Variants in KLF9 observed in about 807,000 individuals in gnomAD.
KLF9 encodes Krueppel-like factor 9.
KLF9 carries 2 observed loss-of-function variants against 17.3 expected under a neutral mutation model. The ratio of observed to expected loss-of-function variants is 0.12; its 90% CI spans 0.05 to 0.36. The LOEUF (loss-of-function observed/expected upper bound fraction) is 0.36, where lower values mean the gene tolerates loss of function less well. KLF9 is among the 10% of genes least tolerant of loss of function. KLF9 has a pLI of 1.00. For missense variants in KLF9, 226 were observed against 333.2 expected (o/e 0.68, Z 2.51); for synonymous variants, 138 against 139.2 (o/e 0.99, Z 0.06).
Position 70,385,200 on chromosome 9 carries a change from T to A in KLF9, c.*2576A>T, listed in dbSNP as rs2037101296. The A allele has an allele frequency of 6.6e-6, 1 of 152,666 alleles. No individual in the cohort carries two copies. Among genetic ancestry groups the A allele is most frequent in the Non-Finnish European group, 1.5e-5 (1 of 68,028 alleles). 9.5% of individuals were successfully genotyped at this position (152,666 alleles called of 1,614,324 possible). A position where few individuals can be genotyped will look rare whatever the true frequency, so the allele number is the denominator to read the frequency against. ...ATGGTCTTTTTAATATAAAAAGTAA[T>A]TGTTTCATAGTTTTAGTGTTCAATG... On this transcript the variant is annotated 3_prime_UTR_variant, in exon 2 of 2. Coordinates refer to ENST00000377126, the MANE Select transcript of KLF9 (RefSeq NM_001206.4).
chr9:70,409,760 T>C (rs1232228530), intron 1 of KLF9, among the ~76,000 whole-genome samples: 2 of 152,228 alleles, frequency 1.3e-5, no homozygotes, highest in Non-Finnish European at 2.9e-5. Flanking sequence ...TTCTTTAGAT[T>C]AACAATGGAT....
intron 1 of KLF9, among the ~76,000 whole-genome samples, chr9:70,392,310 A>G (rs2118908981): frequency 6.6e-6 from 1 of 152,252 alleles, no homozygotes; most frequent in African/African-American, 2.4e-5. Flanking sequence ...TCAATCATGG[A>G]TCATAATGGA....
rs1404021668 is a variant in KLF9 at position 70,389,638 on chromosome 9, C to T, written c.506-1633G>A. 4.6e-5 allele frequency among the ~76,000 whole-genome samples: 7 copies of T among 152,232 alleles called. No homozygotes were observed. The South Asian group carries it at 1.2e-3, about 27-fold the overall frequency. On this transcript the variant is annotated intron_variant, in intron 1 of 1. Transcript: ENST00000377126. ...GTTATCAGGCCAGCATCCATAACCT[C>T]CTGCTGCTCCCCACCCCACAAGATG...
chr9:70,400,209 C>T (rs2037212047), intron 1 of KLF9, among the ~76,000 whole-genome samples: 1 of 152,134 alleles, frequency 6.6e-6, no homozygotes, highest in Admixed American at 6.5e-5. Context: ...GGACTGTGTT[C>T]CTGAGCCCAA....
intron 1 of KLF9, among the ~76,000 whole-genome samples, chr9:70,409,917 T>C (rs1237422570): frequency 6.6e-6 from 1 of 152,224 alleles, no homozygotes; most frequent in Non-Finnish European, 1.5e-5. Flanking sequence ...AAGGTGACGT[T>C]CTGTACATTA....
At chr9:70,400,641 G>A (rs1379480347) in intron 1 of KLF9, among the ~76,000 whole-genome samples, 1 of 152,178 alleles carries the variant, frequency 6.6e-6, no homozygotes, top group African/African-American at 2.4e-5. Flanking sequence ...CTAGGCTGTG[G>A]CATTCATAAG....
chr9:70,404,502 G>A (rs2037243574), intron 1 of KLF9, among the ~76,000 whole-genome samples: 1 of 152,028 alleles, frequency 6.6e-6, no homozygotes, highest in African/African-American at 2.4e-5. Flanking sequence ...TGCTTGAGTA[G>A]GGGGTAGGGG....
In KLF9 at chr9:70,386,043, G is replaced by A. The variant is rs978679567; in HGVS notation, c.*1733C>T. The A allele has an allele frequency of 1.1e-4, 17 of 152,356 alleles. No individual in the cohort carries two copies. The highest frequency in any genetic ancestry group is 6.5e-5 in the Admixed American group (1 of 15,268). 9.4% of individuals were successfully genotyped at this position (152,356 alleles called of 1,614,324 possible). ...CCCACACTGATTCTGAATCAGAAAC[G>A]AGTATGGGTCAGGTGAAATAGGTAG... On this transcript the variant is annotated 3_prime_UTR_variant, in exon 2 of 2. Transcript: ENST00000377126.
chr9:70,409,072 G>GTA (rs1277143958), intron 1 of KLF9, among the ~76,000 whole-genome samples: 16 of 102,830 alleles, frequency 1.6e-4, no homozygotes, highest in East Asian at 4.6e-4. Flanking sequence ...ATATATATGT[G>GTA]TATATATATA....
At chr9:70,388,521 A>G (rs974981991) in intron 1 of KLF9, among the ~76,000 whole-genome samples, 1 of 152,198 alleles carries the variant, frequency 6.6e-6, no homozygotes, top group African/African-American at 2.4e-5. Context: ...TCTCTAAGCA[A>G]ATGAGCTTGC....
rs1398058895 is a variant in KLF9, at chr9:70,414,275, TG to T, written c.-913del. Reference sequence around the variant, plus strand: ...GCTCACGTTCCAGCTTGCGGAGCTTTGGGACACATCTTTCCTAGTCAGTTGC... The same window carrying T: ...GCTCACGTTCCAGCTTGCGGAGCTTTGGACACATCTTTCCTAGTCAGTTGC... On this transcript the variant is annotated 5_prime_UTR_variant, in exon 1 of 2. It removes the in-frame stop codon of an upstream open reading frame in the 5' UTR. Transcript: ENST00000377126. 1 of 152,018 alleles carries T rather than the reference TG, an allele frequency of 6.6e-6. No individual in the cohort carries two copies. The highest frequency in any genetic ancestry group is 1.5e-5 in the Non-Finnish European group (1 of 68,052). 9.4% of individuals were successfully genotyped at this position (152,018 alleles called of 1,614,324 possible). A position where few individuals can be genotyped will look rare whatever the true frequency, so the allele number is the denominator to read the frequency against.
chr9:70,385,700 G>T lies in KLF9; in HGVS notation c.*2076C>A, dbSNP rs980023325. 1 of 152,570 alleles carries T rather than the reference G, an allele frequency of 6.6e-6. No individual in the cohort carries two copies. Among genetic ancestry groups the T allele is most frequent in the Non-Finnish European group, 1.5e-5 (1 of 68,038 alleles). The allele number at this position is 152,570 out of a possible 1,614,324, so 9.5% of individuals were successfully genotyped here. ...CCATGAGCTCAGTGAGAAATAGGCAGCCTAACCTATTTCGTATGGAAGAAC... is the reference window on the plus strand; with the variant it reads ...CCATGAGCTCAGTGAGAAATAGGCATCCTAACCTATTTCGTATGGAAGAAC... On this transcript the variant is annotated 3_prime_UTR_variant, in exon 2 of 2. Transcript: ENST00000377126.
At chr9:70,393,034 T>C (rs1384309505) in intron 1 of KLF9, among the ~76,000 whole-genome samples, 1 of 152,204 alleles carries the variant, frequency 6.6e-6, no homozygotes, top group African/African-American at 2.4e-5. Context: ...TCATTATTTA[T>C]ATACCACTCC....
At chr9:70,406,030 C>T (rs539267410) in intron 1 of KLF9, among the ~76,000 whole-genome samples, 15 of 152,294 alleles carry the variant, frequency 9.8e-5, no homozygotes, top group African/African-American at 3.4e-4. Context: ...CACCTCTGCC[C>T]TTTCACTTGG....
chr9:70,392,155 A>C (rs754644687), intron 1 of KLF9, among the ~76,000 whole-genome samples: 1 of 152,236 alleles, frequency 6.6e-6, no homozygotes, highest in African/African-American at 2.4e-5. Flanking sequence ...ACTGCACTCC[A>C]GTCTGGGCAA....
At position 70,402,428 on chromosome 9, in the gene KLF9, G is replaced by A. The variant is rs545695762; in HGVS notation, c.505+10431C>T. 2.3e-4 allele frequency among the ~76,000 whole-genome samples: 35 copies of A among 152,266 alleles called. No individual in the cohort carries two copies. In the Middle Eastern group the frequency reaches 0.02, roughly 89 times the overall value. On this transcript the variant is annotated intron_variant, in intron 1 of 1. Coordinates refer to ENST00000377126, the MANE Select transcript of KLF9 (RefSeq NM_001206.4). The stretch of plus-strand genomic sequence containing the variant: ...GTGGGAACTGCCATATAAACAGCTC[G>A]TCTTTGCATAGACTAGGCTTTTACC...
In KLF9 at chr9:70,385,517, G is replaced by A. The variant is rs1043090230; in HGVS notation, c.*2259C>T. On this transcript the variant is annotated 3_prime_UTR_variant, in exon 2 of 2. Coordinates refer to ENST00000377126, the MANE Select transcript of KLF9 (RefSeq NM_001206.4). Reference sequence around the variant, plus strand: ...AAAAGCCACATTTAGATTTACTCCTGAAACTATAAAGATTGTCTTTCACTG... The same window carrying A: ...AAAAGCCACATTTAGATTTACTCCTAAAACTATAAAGATTGTCTTTCACTG... 3.3e-5 allele frequency: 5 copies of A among 152,612 alleles called. No individual in the cohort carries two copies. Among genetic ancestry groups the A allele is most frequent in the African/African-American group, 1.2e-4 (5 of 41,434 alleles). 9.5% of individuals were successfully genotyped at this position (152,612 alleles called of 1,614,324 possible).
intron 1 of KLF9, among the ~76,000 whole-genome samples, chr9:70,389,086 A>T (rs142650355): frequency 0.025 from 3,787 of 152,078 alleles, 139 homozygotes; most frequent in African/African-American, 0.086. Context: ...GGTTGCAGTG[A>T]GCCAAGATCA....
chr9:70,389,603 C>A (rs934270696), intron 1 of KLF9, among the ~76,000 whole-genome samples: 3 of 152,188 alleles, frequency 2.0e-5, no homozygotes, highest in Non-Finnish European at 2.9e-5. Flanking sequence ...CTAAGTCCTG[C>A]CTGCCAGATG....
Sources: allele counts gnomAD v4.1 joint callset (sites outside exome capture counted in the v4.1 genomes callset), GRCh38; gene constraint gnomAD v4.1.1; transcripts MANE v1.5; gene names NCBI Gene and HGNC (gene_info 2026-07-23, HGNC 2026-07-21).